AGO2: variants seen among roughly 807,000 people sequenced by gnomAD.
AGO2 encodes protein argonaute-2.
Under a neutral mutation model 102.3 loss-of-function variants are expected in AGO2, and 5 were observed. The observed-to-expected ratio is 0.05, with a 90% CI of 0.03 to 0.10. The LOEUF (loss-of-function observed/expected upper bound fraction) is 0.10, where lower values mean the gene tolerates loss of function less well. AGO2 is among the 10% of genes least tolerant of loss of function. The probability of loss-of-function intolerance (pLI) is 1.00; values close to 1 mark genes in which losing one functional copy is unlikely to be tolerated. For synonymous variants in AGO2, 449 were observed against 473.1 expected (o/e 0.95, Z 0.66); for missense variants, 541 against 1,183.7 (o/e 0.46, Z 7.97).
chr8:140,571,881 G>GA (rs1392064728), intron 3 of AGO2, among the ~76,000 whole-genome samples: 1 of 152,156 alleles, frequency 6.6e-6, no homozygotes, highest in African/African-American at 2.4e-5. Context: ...AAGTAGGTGG[G>GA]ATTACAGGCA....
intron 9 of AGO2, 70 bp from the exon 10 acceptor site, chr8:140,556,088 T>A: frequency 6.2e-7 from 1 of 1,610,836 alleles, no homozygotes; most frequent in South Asian, 1.1e-5. Context: ...GCTGCGTCCG[T>A]TCCAAGCATC....
chr8:140,547,402 C>T, intron 13 of AGO2, 66 bp downstream of exon 13: 2 of 1,575,454 alleles, frequency 1.3e-6, no homozygotes, highest in African/African-American at 1.3e-5. Flanking sequence ...GCATACTGCA[C>T]CCCACCCTGC....
intron 1 of AGO2, among the ~76,000 whole-genome samples, chr8:140,601,417 T>C (rs2073932309): frequency 6.6e-6 from 1 of 152,242 alleles, no homozygotes; most frequent in East Asian, 1.9e-4. Flanking sequence ...ACACTACATC[T>C]CCAGTACTCC....
At position 140,527,524 on chromosome 8, in the gene AGO2, CA is replaced by C. The variant is rs1020451670; in HGVS notation, c.*4519del. 4 of 153,132 alleles carry C rather than the reference CA, an allele frequency of 2.6e-5. No individual in the cohort carries two copies. The highest frequency in any genetic ancestry group is 9.7e-5 in the African/African-American group (4 of 41,422). 9.5% of individuals were successfully genotyped at this position (153,132 alleles called of 1,614,324 possible). ...AAAGAGTCAGCGTGTGTGTGTGTAACAGGGGCACCCCCATGACAAAGTCACA... is the reference window on the plus strand; with the variant it reads ...AAAGAGTCAGCGTGTGTGTGTGTAACGGGGCACCCCCATGACAAAGTCACA... On this transcript the variant is annotated 3_prime_UTR_variant, in exon 19 of 19. Coordinates refer to ENST00000220592, the MANE Select transcript of AGO2 (RefSeq NM_012154.5). This position sits in a 1 kb window ranked among gnomAD's most constrained non-coding sequence, Gnocchi z 6.0.
At chr8:140,601,424 C>T (rs1588496561) in intron 1 of AGO2, among the ~76,000 whole-genome samples, 1 of 152,248 alleles carries the variant, frequency 6.6e-6, no homozygotes, top group Non-Finnish European at 1.5e-5. Context: ...ATCTCCAGTA[C>T]TCCCTGCACT....
chr8:140,601,354 G>A (rs531249551), intron 1 of AGO2, among the ~76,000 whole-genome samples: 2 of 152,252 alleles, frequency 1.3e-5, no homozygotes, highest in Admixed American at 1.3e-4. Context: ...GCCCCCAGCA[G>A]CCCCAGCACC....
intron 3 of AGO2, among the ~76,000 whole-genome samples, chr8:140,565,952 G>A (rs1250728349): frequency 1.3e-5 from 2 of 151,808 alleles, no homozygotes; most frequent in African/African-American, 2.4e-5. Flanking sequence ...TAGGAGGATC[G>A]CTTGAGCCCA....
At chr8:140,546,918 T>G (rs1471687206) in intron 13 of AGO2, among the ~76,000 whole-genome samples, 2 of 152,002 alleles carry the variant, frequency 1.3e-5, no homozygotes, top group African/African-American at 4.8e-5. Context: ...CAGAGGAGGG[T>G]GCAGCTCCAT....
chr8:140,642,014 C>T, the AGO2 span, among the ~76,000 whole-genome samples: 1 of 151,498 alleles, frequency 6.6e-6, no homozygotes. Context: ...TGTACGTCAG[C>T]CTGGTCAACA....
At chr8:140,546,878 T>C (rs778993277) in intron 13 of AGO2, among the ~76,000 whole-genome samples, 1 of 152,188 alleles carries the variant, frequency 6.6e-6, no homozygotes, top group African/African-American at 2.4e-5. Context: ...TGCCCTGGAA[T>C]ACCTGGATGC....
chr8:140,537,085 T>C (rs775718664), intron 16 of AGO2, among the ~76,000 whole-genome samples: 3 of 152,256 alleles, frequency 2.0e-5, no homozygotes, highest in African/African-American at 4.8e-5. Flanking sequence ...CAGCAGTGAA[T>C]TGAAAGTTGA....
At chr8:140,632,782 C>A (rs763630002) in intron 1 of AGO2, among the ~76,000 whole-genome samples, 40 of 152,164 alleles carry the variant, frequency 2.6e-4, no homozygotes, top group Non-Finnish European at 5.6e-4. Flanking sequence ...CATTCACATA[C>A]GTCACAGCAT....
At chr8:140,616,674 AGTGGG>A (rs1243127610) in intron 1 of AGO2, among the ~76,000 whole-genome samples, 2 of 152,364 alleles carry the variant, frequency 1.3e-5, no homozygotes, top group South Asian at 2.1e-4. Flanking sequence ...GGGCAGCAGC[AGTGGG>A]CAGGGCCTGG....
Position 140,532,434 on chromosome 8 carries a change from A to C in AGO2, c.2453T>G (p.Val818Gly). 6.2e-7 allele frequency: 1 copy of C among 1,613,754 alleles called. No individual in the cohort carries two copies. The change falls in exon 18 of 19, where the codon GTG (valine) becomes GGG (glycine). Residue 818 changes from valine to glycine, a missense_variant. Val to Gly is a moderately radical substitution (Grantham distance 109, BLOSUM62 -3). Coordinates refer to ENST00000220592, the MANE Select transcript of AGO2 (RefSeq NM_012154.5). ...LVAFRARYHL[V>G]DKEHDSAEGS... The stretch of plus-strand genomic sequence containing the variant: ...CACTCACCTGTCATGTTCCTTATCC[A>C]CCAGGTGGTACCTGGCCCGGAAGGC...
At chr8:140,595,260 G>C (rs1314371394) in intron 1 of AGO2, among the ~76,000 whole-genome samples, 1 of 152,122 alleles carries the variant, frequency 6.6e-6, no homozygotes, top group African/African-American at 2.4e-5. Context: ...CCATGTACTT[G>C]TAAGTGGGAA....
At chr8:140,617,661 G>A (rs946908501) in intron 1 of AGO2, among the ~76,000 whole-genome samples, 1 of 152,214 alleles carries the variant, frequency 6.6e-6, no homozygotes, top group Non-Finnish European at 1.5e-5. Context: ...ACCCGTGGGC[G>A]TGACCCTGTC....
chr8:140,595,929 A>G (rs2073832449), intron 1 of AGO2, among the ~76,000 whole-genome samples: 1 of 88,308 alleles, frequency 1.1e-5, no homozygotes, highest in Admixed American at 1.8e-4. Context: ...TTATGTATAT[A>G]AATTATATAA....
intron 1 of AGO2, among the ~76,000 whole-genome samples, chr8:140,610,823 A>C (rs1466472778): frequency 6.6e-6 from 1 of 152,242 alleles, no homozygotes; most frequent in Non-Finnish European, 1.5e-5. Context: ...AAAAACACAC[A>C]GTCCCCCAAA....
At chr8:140,564,043 C>A (rs903901798) in intron 3 of AGO2, among the ~76,000 whole-genome samples, 1 of 152,092 alleles carries the variant, frequency 6.6e-6, no homozygotes, top group Non-Finnish European at 1.5e-5. Context: ...CTGTTGTGCC[C>A]GATGGCCCCA....
Sources: gnomAD v4.1 joint callset for allele counts (sites outside exome capture counted in the v4.1 genomes callset) on GRCh38, gnomAD v4.1.1 for gene constraint, Gnocchi (gnomAD v3.1) non-coding constraint, MANE v1.5 for transcripts, NCBI Gene and HGNC (gene_info 2026-07-23, HGNC 2026-07-21) for gene names.